MACROD2: variants seen among roughly 807,000 people sequenced by gnomAD.
MACROD2 encodes ADP-ribose glycohydrolase MACROD2.
In MACROD2, 36 loss-of-function variants were observed where a neutral mutation model predicts 70.4. The ratio of observed to expected loss-of-function variants is 0.51; its 90% CI spans 0.39 to 0.68. The LOEUF (loss-of-function observed/expected upper bound fraction) is 0.68. Ranked by LOEUF, MACROD2 falls within the 30% of genes least tolerant of loss-of-function variation. The probability of loss-of-function intolerance (pLI) is 0.00; values close to 1 mark genes in which losing one functional copy is unlikely to be tolerated. For missense variants in MACROD2, 496 were observed against 538.4 expected (o/e 0.92, Z 0.78); for synonymous variants, 172 against 178.8 (o/e 0.96, Z 0.30).
intron 8 of MACROD2, among the ~76,000 whole-genome samples, chr20:15,557,220 A>C (rs907781677): frequency 6.6e-6 from 1 of 152,232 alleles, no homozygotes; most frequent in Admixed American, 6.5e-5. Flanking sequence ...CCTTAAAAAA[A>C]AAAAAAAAAT....
chr20:15,031,743 G>A (rs1173696294), intron 5 of MACROD2, among the ~76,000 whole-genome samples: 1 of 152,148 alleles, frequency 6.6e-6, no homozygotes, highest in African/African-American at 2.4e-5. Flanking sequence ...TGGTCCATGG[G>A]TAGCCATAGG....
chr20:14,309,132 C>T (rs745880979), intron 3 of MACROD2, among the ~76,000 whole-genome samples: 8 of 152,054 alleles, frequency 5.3e-5, no homozygotes, highest in East Asian at 1.9e-4. Flanking sequence ...GGAAATGGCA[C>T]GTGGAATTTC....
intron 3 of MACROD2, among the ~76,000 whole-genome samples, chr20:14,276,070 G>T (rs976648435): frequency 6.6e-6 from 1 of 151,742 alleles, no homozygotes; most frequent in African/African-American, 2.4e-5. Flanking sequence ...TCAGTGTGGC[G>T]ATTCCTCAGG....
At chr20:14,161,602 T>A (rs2055190529) in intron 3 of MACROD2, among the ~76,000 whole-genome samples, 1 of 149,356 alleles carries the variant, frequency 6.7e-6, no homozygotes. Context: ...CTTGAGACGA[T>A]GTCTCACTCT....
chr20:14,836,889 A>G (rs963549442), intron 5 of MACROD2, among the ~76,000 whole-genome samples: 3 of 152,108 alleles, frequency 2.0e-5, no homozygotes, highest in African/African-American at 7.2e-5. Flanking sequence ...CCAATTGATA[A>G]CAAATATTAG....
At chr20:14,686,087 GA>G (rs149374546) in intron 5 of MACROD2, among the ~76,000 whole-genome samples, 1,986 of 152,180 alleles carry the variant, frequency 0.013, 41 homozygotes, top group African/African-American at 0.045. Context: ...TGGTTTCAGT[GA>G]AAGTACTTTC....
intron 3 of MACROD2, among the ~76,000 whole-genome samples, chr20:14,442,091 G>A (rs373490458): frequency 3.9e-5 from 6 of 152,092 alleles, no homozygotes; most frequent in Admixed American, 2.0e-4. Flanking sequence ...CCAACATGGC[G>A]AAACCCCATC....
chr20:15,930,761 A>G (rs1357876488), intron 10 of MACROD2, among the ~76,000 whole-genome samples: 2 of 152,214 alleles, frequency 1.3e-5, no homozygotes, highest in Middle Eastern at 3.2e-3. Context: ...AACTAAGGGT[A>G]AAAACCCAGA....
rs140298640 is a variant in MACROD2, at chr20:15,847,805, C to T, written c.646-14940C>T. ...TGACATTTAGTTGACATTTCTATGC[C>T]GTAGTCTTCTCTTCTTTCTTTTTAT... On this transcript the variant is annotated intron_variant, in intron 8 of 17. Coordinates refer to ENST00000684519, the MANE Select transcript of MACROD2 (RefSeq NM_001351661.2). Among the ~76,000 whole-genome samples, 802 of 152,122 alleles carry T rather than the reference C, an allele frequency of 5.3e-3. 6 individuals carry two copies. The highest frequency in any genetic ancestry group is 0.024 in the Admixed American group (366 of 15,276).
chr20:15,384,700 A>G (rs894845295), intron 6 of MACROD2, among the ~76,000 whole-genome samples: 1 of 152,304 alleles, frequency 6.6e-6, no homozygotes, highest in African/African-American at 2.4e-5. Context: ...TATATATACT[A>G]TCTTTCAAAT....
intron 5 of MACROD2, among the ~76,000 whole-genome samples, chr20:14,811,689 AG>A (rs1455246402): frequency 6.6e-6 from 1 of 152,074 alleles, no homozygotes; most frequent in Non-Finnish European, 1.5e-5. Flanking sequence ...CATCTGACAA[AG>A]GGCTAATATC....
chr20:15,844,712 C>G (rs766507422), intron 8 of MACROD2, among the ~76,000 whole-genome samples: 6 of 152,108 alleles, frequency 3.9e-5, no homozygotes, highest in Admixed American at 6.6e-5. Context: ...TCAACCCCCA[C>G]CATTGTTTGC....
chr20:14,692,307 C>T (rs950532308), intron 5 of MACROD2, among the ~76,000 whole-genome samples: 3 of 152,194 alleles, frequency 2.0e-5, no homozygotes, highest in Non-Finnish European at 4.4e-5. Flanking sequence ...TTTGGCTTTA[C>T]AACACAGGTA....
At chr20:14,671,538 C>A (rs74606242) in intron 4 of MACROD2, among the ~76,000 whole-genome samples, 1 of 152,086 alleles carries the variant, frequency 6.6e-6, no homozygotes, top group Non-Finnish European at 1.5e-5. Context: ...AGAGAAGCAT[C>A]TCTTGGTTTT....
intron 3 of MACROD2, among the ~76,000 whole-genome samples, chr20:14,111,870 A>C (rs2054455718): frequency 1.3e-5 from 2 of 152,044 alleles, no homozygotes; most frequent in African/African-American, 4.8e-5. Flanking sequence ...AACTGAAAGA[A>C]AGGAAATTGG....
At chr20:14,907,894 G>A (rs1232334573) in intron 5 of MACROD2, among the ~76,000 whole-genome samples, 1 of 152,100 alleles carries the variant, frequency 6.6e-6, no homozygotes, top group Non-Finnish European at 1.5e-5. Context: ...GGCATTTGTT[G>A]AAAGAAAGCT....
intron 13 of MACROD2, among the ~76,000 whole-genome samples, chr20:15,980,337 T>A (rs1273680940): frequency 6.6e-6 from 1 of 152,198 alleles, no homozygotes; most frequent in Non-Finnish European, 1.5e-5. Flanking sequence ...GGAGGGTCTC[T>A]CTCTTCCCTC....
intron 15 of MACROD2, among the ~76,000 whole-genome samples, chr20:16,015,261 A>C (rs1282515354): frequency 6.6e-6 from 1 of 152,202 alleles, no homozygotes; most frequent in East Asian, 1.9e-4. Flanking sequence ...TATACACCAA[A>C]CTGAAACACT....
intron 3 of MACROD2, among the ~76,000 whole-genome samples, chr20:14,342,563 C>T (rs1262714942): frequency 6.6e-6 from 1 of 152,058 alleles, no homozygotes; most frequent in Non-Finnish European, 1.5e-5. Context: ...TGAAGTCAGG[C>T]CAGATGCTTA....
Sources: allele counts gnomAD v4.1 joint callset (sites outside exome capture counted in the v4.1 genomes callset), GRCh38; gene constraint gnomAD v4.1.1; transcripts MANE v1.5; gene names NCBI Gene and HGNC (gene_info 2026-07-23, HGNC 2026-07-21).